Variants in CRNKL1 observed in about 807,000 individuals in gnomAD.
CRNKL1 encodes the protein crooked neck-like protein 1.
Under a neutral mutation model 103.7 loss-of-function variants are expected in CRNKL1, and 35 were observed. The ratio of observed to expected loss-of-function variants is 0.34; its 90% CI spans 0.26 to 0.45. The LOEUF is 0.45. Among genes scored for constraint, CRNKL1 ranks in the 20% least tolerant of loss-of-function variants. The pLI, the probability that CRNKL1 is intolerant of heterozygous loss-of-function variation, is 1.00. For missense variants in CRNKL1, 645 were observed against 836.0 expected, an observed-to-expected ratio of 0.77 and a Z score of 2.82; for synonymous variants, 267 against 282.6, an observed-to-expected ratio of 0.94 and a Z score of 0.55.
chr20:20,038,059 C>T (rs1488452091), intron 12 of CRNKL1, among the ~76,000 whole-genome samples: 2 of 151,450 alleles, frequency 1.3e-5, no homozygotes, highest in African/African-American at 4.9e-5. Context: ...TGCACTCCAG[C>T]CTAGAGACAC....
Position 20,047,767 on chromosome 20 carries a change from C to A in CRNKL1, c.620G>T (p.Arg207Leu). 1 of 1,613,680 alleles carries A rather than the reference C, an allele frequency of 6.2e-7. No individual in the cohort carries two copies. The highest frequency in any genetic ancestry group is 1.1e-5 in the South Asian group (1 of 91,036). The change falls in exon 5 of 14, where the codon CGA (arginine) becomes CTA (leucine). Residue 207 changes from arginine (R) to leucine (L), a missense_variant and splice_region_variant. Arg to Leu is a moderately radical substitution (Grantham distance 102, BLOSUM62 -2). This residue lies in a region of CRNKL1 where 582 missense variants were observed against 707.7 expected (regional missense o/e 0.82). Coordinates refer to ENST00000536226, the MANE Select transcript of CRNKL1 (RefSeq NM_001278628.2). Reference sequence around the variant, plus strand: ...TACAGATCTCGTCCAAAGGATATATCGCTCATAAATGGTGCGGGCCCGATC... The same window carrying A: ...TACAGATCTCGTCCAAAGGATATATAGCTCATAAATGGTGCGGGCCCGATC... ...EVDRARTIYERFVLVHPDVKN... is the reference protein window; with the variant it reads ...EVDRARTIYELFVLVHPDVKN...
Position 20,037,499 on chromosome 20 carries a change from A to G in CRNKL1, c.1720T>C (p.Tyr574His). 6.2e-7 allele frequency: 1 copy of G among 1,614,156 alleles called. No homozygotes were observed. Among genetic ancestry groups the G allele is most frequent in the Non-Finnish European group, 8.5e-7 (1 of 1,180,022 alleles). The change falls in exon 13 of 14, where the codon TAT (tyrosine) becomes CAT (histidine). Residue 574 changes from tyrosine (Y) to histidine (H), a missense_variant. By Grantham distance (83) the Tyr-to-His change is moderately conservative (BLOSUM62 2). Coordinates refer to ENST00000536226, the MANE Select transcript of CRNKL1 (RefSeq NM_001278628.2). ...CGCATGGTTTTGTTAGCTTCTTCAT[A>G]AATTTGTCTGCATTTAGTCAAACTT... Reference protein sequence around the residue: ...EGSLTKCRQIYEEANKTMRNC... With the variant: ...EGSLTKCRQIHEEANKTMRNC...
intron 9 of CRNKL1, 127 bp downstream of exon 9, chr20:20,041,439 T>C: frequency 1.3e-6 from 1 of 759,202 alleles, no homozygotes; most frequent in Non-Finnish European, 2.3e-6. Context: ...ATCTCAGTCT[T>C]ATTTATGTTG....
At chr20:20,037,236 T>C in intron 13 of CRNKL1, 87 bp downstream of exon 13, 1 of 1,473,050 alleles carries the variant, frequency 6.8e-7, no homozygotes, top group Non-Finnish European at 9.1e-7. Context: ...AGATTGTACA[T>C]ATGCCACTTA....
chr20:20,047,128 T>C lies in CRNKL1; in HGVS notation c.622+637A>G, dbSNP rs576534456. ...AAACCTTGGATGAACTCCAGTAAGG[T>C]AGTAATGACCAACACAAACCTTAGA... On this transcript the variant is annotated intron_variant, in intron 5 of 13. Transcript: ENST00000536226. Among the ~76,000 whole-genome samples, 8 of 152,198 alleles carry C rather than the reference T, an allele frequency of 5.3e-5. No individual in the cohort carries two copies. The East Asian group carries it at 7.7e-4, about 15-fold the overall frequency.
At chr20:20,041,744 CA>C in intron 8 of CRNKL1, 119 bp from the exon 9 acceptor site, 1 of 691,538 alleles carries the variant, frequency 1.4e-6, no homozygotes, top group Admixed American at 2.6e-5. Context: ...GCATGTTTCA[CA>C]AGTTGTTACT....
At chr20:20,043,920 A>G (rs1002528262) in intron 6 of CRNKL1, among the ~76,000 whole-genome samples, 6 of 152,070 alleles carry the variant, frequency 3.9e-5, no homozygotes, top group African/African-American at 1.2e-4. Flanking sequence ...AACAGGTCCA[A>G]AACTGAGCTT....
chr20:20,038,264 A>C (rs900439580), intron 12 of CRNKL1, 85 bp downstream of exon 12: 187 of 826,030 alleles, frequency 2.3e-4, no homozygotes, highest in Non-Finnish European at 3.1e-4. Context: ...ACAAAAACCC[A>C]AACACTTAAA....
chr20:20,049,152 C>T (rs1018623576), intron 3 of CRNKL1, among the ~76,000 whole-genome samples, 188 bp downstream of exon 3: 2 of 152,112 alleles, frequency 1.3e-5, no homozygotes, highest in African/African-American at 2.4e-5. Flanking sequence ...TGCCACCCTC[C>T]CCAGGACTAT....
upstream of CRNKL1, chr20:20,052,885 C>G (rs1192984639): frequency 3.0e-6 from 2 of 662,230 alleles, no homozygotes; most frequent in African/African-American, 3.7e-5. Context: ...GGTCCACGCC[C>G]CCTCGTTTCT....
At chr20:20,042,664 A>G (rs2043534347) in intron 7 of CRNKL1, 148 bp from the exon 8 acceptor site, 2 of 711,606 alleles carry the variant, frequency 2.8e-6, no homozygotes, top group East Asian at 2.8e-5. Context: ...TTTTAAAAAC[A>G]CCATCCCTGA....
chr20:20,054,704 A>AC (rs1355500685), upstream of CRNKL1, among the ~76,000 whole-genome samples: 1 of 151,906 alleles, frequency 6.6e-6, no homozygotes, highest in African/African-American at 2.4e-5. Flanking sequence ...AAGTTTGCTA[A>AC]CCCCCGTGCT....
chr20:20,049,301 G>A (rs1485828735), intron 3 of CRNKL1, 39 bp downstream of exon 3: 1 of 1,073,604 alleles, frequency 9.3e-7, no homozygotes. Flanking sequence ...GTTAATCTAT[G>A]AATCATTATA....
rs2043521366 is a variant in CRNKL1 at position 20,041,960 on chromosome 20, T to C, written c.1165-335A>G. On this transcript the variant is annotated intron_variant, in intron 8 of 13. Transcript: ENST00000536226. ...GATTTCTGAAAATGCCACTTGATTTTTGCTAAAAGCAAAAATGCATAATCT... is the reference window on the plus strand; with the variant it reads ...GATTTCTGAAAATGCCACTTGATTTCTGCTAAAAGCAAAAATGCATAATCT... Among the ~76,000 whole-genome samples, 2 of 152,228 alleles carry C rather than the reference T, an allele frequency of 1.3e-5. 1 individual carries two copies. Among genetic ancestry groups the C allele is most frequent in the Non-Finnish European group, 2.9e-5 (2 of 68,048 alleles).
At position 20,043,547 on chromosome 20, in the gene CRNKL1, C is replaced by A. The variant is rs1427399258; in HGVS notation, c.917G>T (p.Gly306Val). 6.2e-7 allele frequency: 1 copy of A among 1,614,088 alleles called. No individual in the cohort carries two copies. The highest frequency in any genetic ancestry group is 8.5e-7 in the Non-Finnish European group (1 of 1,179,982). Residue 306 changes from glycine (G) to valine (V), a missense_variant, in exon 7 of 14, where the codon GGT becomes GTT. Coordinates refer to ENST00000536226, the MANE Select transcript of CRNKL1 (RefSeq NM_001278628.2). Reference sequence around the variant, plus strand: ...TTTGCTCACAATGATATCTTCAATACCCCGCCTATCACCAAACTTCTTCTC... The same window carrying A: ...TTTGCTCACAATGATATCTTCAATAACCCGCCTATCACCAAACTTCTTCTC... Reference protein sequence around the residue: ...IFEKKFGDRRGIEDIIVSKRR... With the variant: ...IFEKKFGDRRVIEDIIVSKRR...
chr20:20,040,311 CA>C (rs1287307376), intron 10 of CRNKL1, among the ~76,000 whole-genome samples: 2 of 53,156 alleles, frequency 3.8e-5, no homozygotes, highest in African/African-American at 1.5e-4. Flanking sequence ...GACCCTGTCT[CA>C]AAAAAAAACC....
chr20:20,049,284 G>C lies in CRNKL1; in HGVS notation c.296+56C>G, dbSNP rs1408944709. On this transcript the variant is annotated intron_variant, in intron 3 of 13. Coordinates refer to ENST00000536226, the MANE Select transcript of CRNKL1 (RefSeq NM_001278628.2). ...TTTAACTTTTTCTTCTTTTCTTTTT[G>C]GTATCTGTTAATCTATGAATCATTA... 6 of 974,532 alleles carry C rather than the reference G, an allele frequency of 6.2e-6. No individual in the cohort carries two copies. In the African/African-American group the frequency reaches 9.9e-5, roughly 16 times the overall value. 60.4% of individuals were successfully genotyped at this position (974,532 alleles called of 1,614,324 possible).
At chr20:20,052,235 G>T in intron 1 of CRNKL1, 57 bp downstream of exon 1, 1 of 1,457,382 alleles carries the variant, frequency 6.9e-7, no homozygotes, top group Non-Finnish European at 9.4e-7. Context: ...CACCCTCAGG[G>T]CTGAGGGATG....
rs369396553 is a variant in CRNKL1 at position 20,036,752 on chromosome 20, T to A, written c.1897-390A>T. 1.5e-4 allele frequency among the ~76,000 whole-genome samples: 23 copies of A among 152,294 alleles called. No individual in the cohort carries two copies. The East Asian group carries it at 2.1e-3, about 14-fold the overall frequency. On this transcript the variant is annotated intron_variant, in intron 13 of 13. Transcript: ENST00000536226. ...AACTCCCTACCTTCCCATCCTCACC[T>A]CCTATCAGTCACTGATTTCACTTCC...
Sources: allele counts gnomAD v4.1 joint callset (sites outside exome capture counted in the v4.1 genomes callset), GRCh38; gene constraint gnomAD v4.1.1; regional missense constraint gnomAD v4.1.1; transcripts MANE v1.5; gene names NCBI Gene and HGNC (gene_info 2026-07-23, HGNC 2026-07-21).